GALNT11: variants seen among roughly 807,000 people sequenced by gnomAD.
The protein encoded by GALNT11 is UDP-GalNAc:polypeptide N-acetylgalactosaminyltransferase 11.
GALNT11 carries 47 observed loss-of-function variants against 72.7 expected under a neutral mutation model. That is an observed-to-expected ratio of 0.65 (90% CI 0.51 to 0.82). The LOEUF (loss-of-function observed/expected upper bound fraction) is 0.82, where lower values mean the gene tolerates loss of function less well. GALNT11 is among the 40% of genes least tolerant of loss of function. The probability of loss-of-function intolerance (pLI) is 0.00; values close to 1 mark genes in which losing one functional copy is unlikely to be tolerated. For missense variants in GALNT11, 677 were observed against 778.4 expected (o/e 0.87, Z 1.55); for synonymous variants, 270 against 286.6 (o/e 0.94, Z 0.58).
chr7:152,050,603 G>A (rs866127156), intron 1 of GALNT11, among the ~76,000 whole-genome samples: 2 of 152,180 alleles, frequency 1.3e-5, no homozygotes, highest in African/African-American at 4.8e-5. Flanking sequence ...GAGGGGTGGT[G>A]CAAGCACTCC....
At chr7:152,029,125 A>G (rs2082184652) in intron 1 of GALNT11, among the ~76,000 whole-genome samples, 1 of 152,096 alleles carries the variant, frequency 6.6e-6, no homozygotes, top group South Asian at 2.1e-4. Context: ...TGGTTAGTGT[A>G]AAAACAACAC....
chr7:152,057,785 C>T (rs950858117), intron 1 of GALNT11, among the ~76,000 whole-genome samples: 3 of 152,240 alleles, frequency 2.0e-5, no homozygotes, highest in East Asian at 1.9e-4. Context: ...TAATATGGTA[C>T]GTGTATTTCA....
chr7:152,063,018 A>T (rs1421708465), intron 1 of GALNT11, among the ~76,000 whole-genome samples: 1 of 152,062 alleles, frequency 6.6e-6, no homozygotes, highest in Non-Finnish European at 1.5e-5. Flanking sequence ...TTCTATTGAT[A>T]GGAATAGTTT....
chr7:152,036,317 C>G (rs2082577700), intron 1 of GALNT11, among the ~76,000 whole-genome samples: 1 of 152,160 alleles, frequency 6.6e-6, no homozygotes, highest in Admixed American at 6.5e-5. Flanking sequence ...TTAGCTTCCA[C>G]AAATAAGTGA....
chr7:152,060,620 C>G (rs1050047399), intron 1 of GALNT11, among the ~76,000 whole-genome samples: 1 of 148,828 alleles, frequency 6.7e-6, no homozygotes, highest in Non-Finnish European at 1.5e-5. Flanking sequence ...TGCTATCCCT[C>G]CCCCCCCTCC....
intron 1 of GALNT11, among the ~76,000 whole-genome samples, chr7:152,088,479 G>A (rs902674471): frequency 1.4e-5 from 2 of 147,762 alleles, no homozygotes; most frequent in Non-Finnish European, 3.0e-5. Context: ...ACTTGTTTAT[G>A]GTATATTCAG....
At chr7:152,044,356 C>T (rs1331101985) in intron 1 of GALNT11, among the ~76,000 whole-genome samples, 2 of 152,164 alleles carry the variant, frequency 1.3e-5, no homozygotes, top group African/African-American at 4.8e-5. Flanking sequence ...TTTAAGAACA[C>T]CTTAAGGGGT....
rs1045731597 is a variant in GALNT11, at chr7:152,052,495, T to G, written c.-39+26611T>G. Among the ~76,000 whole-genome samples, 26 of 152,288 alleles carry G rather than the reference T, an allele frequency of 1.7e-4. No individual in the cohort carries two copies. In the South Asian group the frequency reaches 2.7e-3, roughly 16 times the overall value. ...TTAACATATTGAGGAACTGACAAAC[T>G]CTTCTTCACATTTTAAAAACTGCTT... On this transcript the variant is annotated intron_variant, in intron 1 of 11. Transcript: ENST00000430044.
Position 152,105,317 on chromosome 7 carries a change from C to T in GALNT11, c.659C>T (p.Thr220Ile), listed in dbSNP as rs745317357. 6.2e-7 allele frequency: 1 copy of T among 1,613,924 alleles called. No homozygotes were observed. The highest frequency in any genetic ancestry group is 8.5e-7 in the Non-Finnish European group (1 of 1,179,940). ...GGAAAAATTAAAGTCATAAGAAATA[C>T]AAAGCGTGAGGGGTTGATTCGAGGG... Reference protein sequence around the residue: ...LPGKIKVIRNTKREGLIRGRM... With the variant: ...LPGKIKVIRNIKREGLIRGRM... Residue 220 changes from threonine to isoleucine, a missense_variant, in exon 5 of 12, where the codon ACA becomes ATA. Coordinates refer to ENST00000430044, the MANE Select transcript of GALNT11 (RefSeq NM_022087.4).
rs1209537081 is a variant in GALNT11 at position 152,111,766 on chromosome 7, T to TA, written c.1080+1122dup. Among the ~76,000 whole-genome samples, 24 of 152,338 alleles carry TA rather than the reference T, an allele frequency of 1.6e-4. 1 individual carries two copies. Among genetic ancestry groups the TA allele is most frequent in the Admixed American group, 1.6e-3 (24 of 15,298 alleles). On this transcript the variant is annotated intron_variant, in intron 7 of 11. Transcript: ENST00000430044. The stretch of plus-strand genomic sequence containing the variant: ...GGTTTATTTTATTGATACTACCAGA[T>TA]ACATATAGTCATATAGTCAGGGTGA...
chr7:152,112,784 A>G (rs1006278001), intron 7 of GALNT11, among the ~76,000 whole-genome samples: 8 of 152,096 alleles, frequency 5.3e-5, no homozygotes, highest in South Asian at 4.1e-4. Context: ...GTTATTCTAT[A>G]TATTTTATAT....
chr7:152,103,389 C>T (rs181979748), intron 4 of GALNT11, 111 bp downstream of exon 4: 167 of 1,077,068 alleles, frequency 1.6e-4, no homozygotes, highest in Non-Finnish European at 2.0e-4. Context: ...GGATCCTACA[C>T]GTGCAGTCAC....
intron 1 of GALNT11, among the ~76,000 whole-genome samples, chr7:152,076,007 A>G (rs1352986734): frequency 1.6e-5 from 2 of 127,990 alleles, no homozygotes; most frequent in East Asian, 2.7e-4. Flanking sequence ...GCTTGCAGTG[A>G]GCCGAGATCG....
rs887197370 is a variant in GALNT11, at chr7:152,078,272, A to G, written c.-38-15918A>G. On this transcript the variant is annotated intron_variant, in intron 1 of 11. Coordinates refer to ENST00000430044, the MANE Select transcript of GALNT11 (RefSeq NM_022087.4). ...CTCTTGTTGCGCAGGCTGGAGTGCAATGGTACAGTATCGGCTTACCCCAAA... is the reference window on the plus strand; with the variant it reads ...CTCTTGTTGCGCAGGCTGGAGTGCAGTGGTACAGTATCGGCTTACCCCAAA... Among the ~76,000 whole-genome samples, 4 of 152,180 alleles carry G rather than the reference A, an allele frequency of 2.6e-5. No homozygotes were observed. The East Asian group carries it at 7.7e-4, about 29-fold the overall frequency.
chr7:152,113,197 T>A, intron 7 of GALNT11, 49 bp from the exon 8 acceptor site: 1 of 1,535,820 alleles, frequency 6.5e-7, no homozygotes, highest in Non-Finnish European at 8.8e-7. Flanking sequence ...TACATTGGTT[T>A]CACAACAACA....
At chr7:152,069,215 AATTTCTAGAT>A (rs1179002615) in intron 1 of GALNT11, among the ~76,000 whole-genome samples, 1 of 152,114 alleles carries the variant, frequency 6.6e-6, no homozygotes, top group African/African-American at 2.4e-5. Context: ...GAAATGTGTT[AATTTCTAGAT>A]ATTGGGGGAT....
chr7:152,046,744 C>G (rs887508838), intron 1 of GALNT11, among the ~76,000 whole-genome samples: 3 of 152,102 alleles, frequency 2.0e-5, no homozygotes, highest in African/African-American at 4.8e-5. Context: ...TTTATCCATT[C>G]AGCCACTCTG....
At position 152,039,146 on chromosome 7, in the gene GALNT11, C is replaced by T. The variant is rs1034386803; in HGVS notation, c.-39+13262C>T. The stretch of plus-strand genomic sequence containing the variant: ...AGCTGAACATAGTGTGGCCATGGCA[C>T]GCAGACTGAGGTGCAATTCAAGCTA... On this transcript the variant is annotated intron_variant, in intron 1 of 11. Transcript: ENST00000430044. 3.9e-5 allele frequency among the ~76,000 whole-genome samples: 6 copies of T among 152,280 alleles called. No individual in the cohort carries two copies. The South Asian group carries it at 6.2e-4, about 16-fold the overall frequency.
rs374777768 is a variant in GALNT11, at chr7:152,077,858, C to T, written c.-38-16332C>T. Among the ~76,000 whole-genome samples, 136 of 151,912 alleles carry T rather than the reference C, an allele frequency of 9.0e-4. 1 individual carries two copies. In the South Asian group the frequency reaches 0.018, roughly 20 times the overall value. ...GCAGACAGTGGAATTACCAGACAGA[C>T]GCTAAAGCATATGTTTATTATGTTC... On this transcript the variant is annotated intron_variant, in intron 1 of 11. Coordinates refer to ENST00000430044, the MANE Select transcript of GALNT11 (RefSeq NM_022087.4).
Sources: gnomAD v4.1 joint callset for allele counts (sites outside exome capture counted in the v4.1 genomes callset) on GRCh38, gnomAD v4.1.1 for gene constraint, MANE v1.5 for transcripts, NCBI Gene and HGNC (gene_info 2026-07-23, HGNC 2026-07-21) for gene names.